Variants in LRRC15 observed in about 807,000 individuals in gnomAD.
The protein encoded by LRRC15 is leucine rich repeat containing 15, also known as leucine-rich repeat-containing protein 15.
In LRRC15, 5 loss-of-function variants were observed where a neutral mutation model predicts 4.3. The observed-to-expected ratio is 1.16, with a 90% CI of 0.61 to 2.44. The LOEUF (loss-of-function observed/expected upper bound fraction) is 2.44, where lower values mean the gene tolerates loss of function less well. Among genes scored for constraint, LRRC15 ranks in the 30% most tolerant of loss-of-function variants. The probability of loss-of-function intolerance (pLI) is 0.01; values close to 1 mark genes in which losing one functional copy is unlikely to be tolerated. For missense variants in LRRC15, 769 were observed against 747.0 expected, an observed-to-expected ratio of 1.03 and a Z score of -0.34; for synonymous variants, 337 against 323.2, an observed-to-expected ratio of 1.04 and a Z score of -0.46.
rs1393575117 is a variant in LRRC15 at position 194,357,861 on chromosome 3, A to G, written c.*1437T>C. On this transcript the variant is annotated 3_prime_UTR_variant, in exon 2 of 2. Coordinates refer to ENST00000347624, the MANE Select transcript of LRRC15 (RefSeq NM_130830.5). ...TCTCTGAGCGATTTCACTTCCCCTA[A>G]GTGAAGAATGAAAATTAAAAACAGA... 6.6e-6 allele frequency: 1 copy of G among 152,232 alleles called. No individual in the cohort carries two copies. The highest frequency in any genetic ancestry group is 1.5e-5 in the Non-Finnish European group (1 of 68,042). 9.4% of individuals were successfully genotyped at this position (152,232 alleles called of 1,614,324 possible).
chr3:194,368,316 C>A (rs1293310896), intron 1 of LRRC15, among the ~76,000 whole-genome samples: 1 of 152,138 alleles, frequency 6.6e-6, no homozygotes, highest in Admixed American at 6.5e-5. Flanking sequence ...CTCGCCTCAC[C>A]ACCCCGCCAT....
At chr3:194,364,106 T>C (rs377695320) in intron 1 of LRRC15, among the ~76,000 whole-genome samples, 1 of 152,126 alleles carries the variant, frequency 6.6e-6, no homozygotes, top group Non-Finnish European at 1.5e-5. Flanking sequence ...AGCAATCACT[T>C]GGCAAGCAAG....
chr3:194,360,765 C>T lies in LRRC15; in HGVS notation c.279G>A (p.Thr93=), dbSNP rs367833610. Residue 93 remains threonine, a synonymous_variant, in exon 2 of 2, where the codon ACG becomes ACA. Coordinates refer to ENST00000347624, the MANE Select transcript of LRRC15 (RefSeq NM_130830.5). ...RIEKNELSRI[T]PGAFRNLGSL... ...AGCCCAGGTTTCGGAAGGCCCCAGG[C>T]GTGATGCGCGACAGCTCATTCTTCT... 7.4e-6 allele frequency: 12 copies of T among 1,614,050 alleles called. No individual in the cohort carries two copies. In the African/African-American group the frequency reaches 1.6e-4, roughly 22 times the overall value.
Position 194,360,020 on chromosome 3 carries a change from C to T in LRRC15, c.1024G>A (p.Glu342Lys). The T allele has an allele frequency of 6.2e-7, 1 of 1,614,222 alleles. No homozygotes were observed. Among genetic ancestry groups the T allele is most frequent in the Non-Finnish European group, 8.5e-7 (1 of 1,180,048 alleles). Residue 342 changes from glutamate to lysine, a missense_variant, in exon 2 of 2, where the codon GAG becomes AAG. Coordinates refer to ENST00000347624, the MANE Select transcript of LRRC15 (RefSeq NM_130830.5). ...GTGTGGAGGGACAGCTCCCGAAGCT[C>T]CGTTAGCCCGTTGAAGGCACCCGGG... ...ISPGAFNGLT[E>K]LRELSLHTNA...
rs751297194 is a variant in LRRC15, at chr3:194,360,554, T to G, written c.490A>C (p.Ile164Leu). The change falls in exon 2 of 2, where the codon ATC becomes CTC. Residue 164 changes from isoleucine (I) to leucine (L), a missense_variant. Transcript: ENST00000347624. ...LQLHGNHLEYIPDGAFDHLVG... is the reference protein window; with the variant it reads ...LQLHGNHLEYLPDGAFDHLVG... Reference sequence around the variant, plus strand: ...AGGTGGTCGAAGGCTCCGTCAGGGATGTATTCCAGGTGGTTGCCGTGCAAC... The same window carrying G: ...AGGTGGTCGAAGGCTCCGTCAGGGAGGTATTCCAGGTGGTTGCCGTGCAAC... The G allele has an allele frequency of 1.9e-6, 3 of 1,613,904 alleles. No individual in the cohort carries two copies. Among genetic ancestry groups the G allele is most frequent in the Non-Finnish European group, 2.5e-6 (3 of 1,180,016 alleles).
Position 194,360,311 on chromosome 3 carries a change from G to A in LRRC15, c.733C>T (p.His245Tyr), listed in dbSNP as rs1319902477. Residue 245 changes from histidine to tyrosine, a missense_variant, in exon 2 of 2, where the codon CAC (histidine) becomes TAC (tyrosine). Coordinates refer to ENST00000347624, the MANE Select transcript of LRRC15 (RefSeq NM_130830.5). ...GACAGGTAGAGTCTCTGGAGGTTGT[G>A]GTTGTTGTGGAAGAGACCAGGGGAG... ...LLSPGLFHNNHNLQRLYLSNN... is the reference protein window; with the variant it reads ...LLSPGLFHNNYNLQRLYLSNN... The A allele has an allele frequency of 3.1e-6, 5 of 1,614,136 alleles. No individual in the cohort carries two copies. The East Asian group carries it at 1.1e-4, about 36-fold the overall frequency.
At chr3:194,363,890 G>A (rs138685920) in intron 1 of LRRC15, among the ~76,000 whole-genome samples, 1 of 152,322 alleles carries the variant, frequency 6.6e-6, no homozygotes, top group African/African-American at 2.4e-5. Flanking sequence ...AACCAGAGGA[G>A]GAGATGCTGT....
In LRRC15 at chr3:194,362,680, C is replaced by T. The variant is rs555090381; in HGVS notation, c.-3-1634G>A. Among the ~76,000 whole-genome samples the T allele has an allele frequency of 2.3e-3, 347 of 152,248 alleles. 5 individuals are homozygous for T. Among genetic ancestry groups the T allele is most frequent in the Non-Finnish European group, 2.8e-4 (19 of 68,012 alleles). On this transcript the variant is annotated intron_variant, in intron 1 of 1. Transcript: ENST00000347624. ...AGTGTTAATGCTGTGTCTCCCTTTC[C>T]ATGAGCAAAAATCCTGAGTCAGAGG...
chr3:194,359,985 C>T lies in LRRC15; in HGVS notation c.1059G>A (p.Leu353=). 1 of 1,614,198 alleles carries T rather than the reference C, an allele frequency of 6.2e-7. No homozygotes were observed. Among genetic ancestry groups the T allele is most frequent in the South Asian group, 1.1e-5 (1 of 91,082 alleles). The change falls in exon 2 of 2, where the codon CTG becomes CTA. Residue 353 remains leucine, a synonymous_variant. Coordinates refer to ENST00000347624, the MANE Select transcript of LRRC15 (RefSeq NM_130830.5). ...GGAAGACGTTCCCGTCCAGGTCCTG[C>T]AGTGCGTTGGTGTGGAGGGACAGCT... ...LRELSLHTNA[L]QDLDGNVFRM...
rs774946585 is a variant in LRRC15, at chr3:194,360,782, C to T, written c.262G>A (p.Glu88Lys). 6.8e-6 allele frequency: 11 copies of T among 1,614,122 alleles called. No homozygotes were observed. In the African/African-American group the frequency reaches 1.3e-4, roughly 20 times the overall value. Reference sequence around the variant, plus strand: ...GCCCCAGGCGTGATGCGCGACAGCTCATTCTTCTCAATCCTCAGGGCGATG... The same window carrying T: ...GCCCCAGGCGTGATGCGCGACAGCTTATTCTTCTCAATCCTCAGGGCGATG... Reference protein sequence around the residue: ...ALIALRIEKNELSRITPGAFR... With the variant: ...ALIALRIEKNKLSRITPGAFR... Residue 88 changes from glutamate (E) to lysine (K), a missense_variant, in exon 2 of 2, where the codon GAG (glutamate) becomes AAG (lysine). Transcript: ENST00000347624.
In LRRC15 at chr3:194,357,398, G is replaced by A. The variant is rs969973251; in HGVS notation, c.*1900C>T. ...AGCTAATAAGAGCCGATCGGGATTGGTCGTGGATTTCCAGATCCCCGTGGA... is the reference window on the plus strand; with the variant it reads ...AGCTAATAAGAGCCGATCGGGATTGATCGTGGATTTCCAGATCCCCGTGGA... On this transcript the variant is annotated 3_prime_UTR_variant, in exon 2 of 2. Coordinates refer to ENST00000347624, the MANE Select transcript of LRRC15 (RefSeq NM_130830.5). The A allele has an allele frequency of 1.8e-4, 28 of 152,306 alleles. No homozygotes were observed. Among genetic ancestry groups the A allele is most frequent in the African/African-American group, 6.3e-4 (26 of 41,556 alleles). The allele number at this position is 152,306 out of a possible 1,614,324, so 9.4% of individuals were successfully genotyped here.
In LRRC15 at chr3:194,358,477, G is replaced by A. The variant is rs1020310679; in HGVS notation, c.*821C>T. 1 of 152,206 alleles carries A rather than the reference G, an allele frequency of 6.6e-6. No homozygotes were observed. The highest frequency in any genetic ancestry group is 2.4e-5 in the African/African-American group (1 of 41,448). 9.4% of individuals were successfully genotyped at this position (152,206 alleles called of 1,614,324 possible). ...TAAGCTGATTTTAATGTTTTTAGAA[G>A]TCCAAAATTCTACATGATTTCATTC... On this transcript the variant is annotated 3_prime_UTR_variant, in exon 2 of 2. Coordinates refer to ENST00000347624, the MANE Select transcript of LRRC15 (RefSeq NM_130830.5).
At position 194,358,528 on chromosome 3, in the gene LRRC15, A is replaced by G. The variant is rs1713498111; in HGVS notation, c.*770T>C. ...CTTAAAGGGCTAAACTTTTCAAAGC[A>G]AAGTTTGCAGTTTGGAAATATCCTT... On this transcript the variant is annotated 3_prime_UTR_variant, in exon 2 of 2. Transcript: ENST00000347624. The G allele has an allele frequency of 6.6e-6, 1 of 152,418 alleles. No homozygotes were observed. The highest frequency in any genetic ancestry group is 1.5e-5 in the Non-Finnish European group (1 of 68,034). 9.4% of individuals were successfully genotyped at this position (152,418 alleles called of 1,614,324 possible).
Position 194,360,414 on chromosome 3 carries a change from CGTGAGCCTG to C in LRRC15, c.621_629del (p.Asn207_Thr210delinsLys), listed in dbSNP as rs1560045382. ...CATCAAAAGTGCCCATGGGGATATC[CGTGAGCCTG>C]TTCTCATACAGCCGGAGGACCTGGA... On this transcript the variant is annotated inframe_deletion, in exon 2 of 2. Coordinates refer to ENST00000347624, the MANE Select transcript of LRRC15 (RefSeq NM_130830.5). 1 of 1,614,144 alleles carries C rather than the reference CGTGAGCCTG, an allele frequency of 6.2e-7. No homozygotes were observed. Among genetic ancestry groups the C allele is most frequent in the South Asian group, 1.1e-5 (1 of 91,070 alleles).
In LRRC15 at chr3:194,358,145, C is replaced by A. The variant is rs1238847692; in HGVS notation, c.*1153G>T. The A allele has an allele frequency of 1.3e-5, 2 of 152,732 alleles. No homozygotes were observed. Among genetic ancestry groups the A allele is most frequent in the Middle Eastern group, 6.7e-3 (2 of 300 alleles). The allele number at this position is 152,732 out of a possible 1,614,324, so 9.5% of individuals were successfully genotyped here. A position where few individuals can be genotyped will look rare whatever the true frequency, so the allele number is the denominator to read the frequency against. On this transcript the variant is annotated 3_prime_UTR_variant, in exon 2 of 2. Coordinates refer to ENST00000347624, the MANE Select transcript of LRRC15 (RefSeq NM_130830.5). Reference sequence around the variant, plus strand: ...CACCCCTGGCCACGGGGCCTTTGCACAGGCTGACTGTGGGGGGACCGTCCT... The same window carrying A: ...CACCCCTGGCCACGGGGCCTTTGCAAAGGCTGACTGTGGGGGGACCGTCCT...
In LRRC15 at chr3:194,362,934, A is replaced by ATTTTTTTTTTTT. The variant is rs1162019236; in HGVS notation, c.-3-1889_-3-1888insAAAAAAAAAAAA. 1.7e-5 allele frequency among the ~76,000 whole-genome samples: 2 copies of ATTTTTTTTTTTT among 114,746 alleles called. 1 individual carries two copies. 75.3% of individuals were successfully genotyped at this position (114,746 alleles called of 152,430 possible). A position where few individuals can be genotyped will look rare whatever the true frequency, so the allele number is the denominator to read the frequency against. ...CCATTCCCCAACCACACAGACCTTG[A>ATTTTTTTTTTTT]TTTTGTTTTTTTTTTTTTTTTTTTT... is the stretch of plus-strand genomic sequence containing the variant. On this transcript the variant is annotated intron_variant, in intron 1 of 1. Transcript: ENST00000347624.
At chr3:194,367,227 TCAA>T (rs1713807952) in intron 1 of LRRC15, among the ~76,000 whole-genome samples, 1 of 152,194 alleles carries the variant, frequency 6.6e-6, no homozygotes, top group South Asian at 2.1e-4. Context: ...CCCTGTAATC[TCAA>T]CAACAAGGCT....
chr3:194,365,335 G>A (rs935037662), intron 1 of LRRC15, among the ~76,000 whole-genome samples: 19 of 152,194 alleles, frequency 1.2e-4, no homozygotes, highest in African/African-American at 4.6e-4. Flanking sequence ...CAGAAGCACC[G>A]TGACTCACGA....
intron 1 of LRRC15, among the ~76,000 whole-genome samples, chr3:194,366,693 G>A (rs1713790075): frequency 6.6e-6 from 1 of 152,202 alleles, no homozygotes. Context: ...ACTGCAGTTT[G>A]TGCTGAGTTG....
Sources: gnomAD v4.1 joint callset for allele counts (sites outside exome capture counted in the v4.1 genomes callset) on GRCh38, gnomAD v4.1.1 for gene constraint, MANE v1.5 for transcripts, NCBI Gene and HGNC (gene_info 2026-07-23, HGNC 2026-07-21) for gene names.